NPAS3: variants seen among roughly 807,000 people sequenced by gnomAD.
The protein encoded by NPAS3 is neuronal PAS domain-containing protein 3.
A neutral mutation model predicts 73.1 loss-of-function variants in NPAS3; 14 were observed. The observed-to-expected ratio is 0.19, with a 90% CI of 0.13 to 0.30. The LOEUF is 0.30. Among genes scored for constraint, NPAS3 ranks in the 10% least tolerant of loss-of-function variants. The pLI is 1.00. For missense variants in NPAS3, 1,096 were observed against 1,250.0 expected (o/e 0.88, Z 1.86); for synonymous variants, 620 against 541.5 (o/e 1.14, Z -2.01).
chr14:32,959,667 T>C (rs772113753), intron 1 of NPAS3, among the ~76,000 whole-genome samples: 2 of 152,250 alleles, frequency 1.3e-5, no homozygotes, highest in Admixed American at 6.5e-5. Context: ...CGTAGCTGCA[T>C]GAATATACAC....
intron 3 of NPAS3, among the ~76,000 whole-genome samples, chr14:33,242,666 G>A (rs1490960086): frequency 1.3e-5 from 2 of 151,838 alleles, no homozygotes; most frequent in Non-Finnish European, 2.9e-5. Flanking sequence ...TAGAGATTTG[G>A]GTATTATTAT....
intron 3 of NPAS3, among the ~76,000 whole-genome samples, chr14:33,361,684 T>C (rs1182305063): frequency 6.6e-6 from 1 of 152,222 alleles, no homozygotes; most frequent in East Asian, 1.9e-4. Context: ...ATTGCATTAT[T>C]GGATTAAATA....
At chr14:33,463,727 A>G (rs895009370) in intron 4 of NPAS3, among the ~76,000 whole-genome samples, 6 of 152,208 alleles carry the variant, frequency 3.9e-5, no homozygotes, top group African/African-American at 1.4e-4. Flanking sequence ...TGTCTTCTGT[A>G]CCTATACCCA....
chr14:33,650,430 A>G (rs1025021128), intron 5 of NPAS3, among the ~76,000 whole-genome samples: 2 of 151,014 alleles, frequency 1.3e-5, no homozygotes, highest in African/African-American at 2.5e-5. Flanking sequence ...CCAATTGAAG[A>G]AAAAAAAACC....
chr14:33,701,052 C>A (rs891269066), intron 6 of NPAS3, among the ~76,000 whole-genome samples: 1 of 152,122 alleles, frequency 6.6e-6, no homozygotes, highest in South Asian at 2.1e-4. Context: ...GTCCGTGAAA[C>A]AAAGGGGAGA....
chr14:33,783,047 T>C (rs2063030413), intron 9 of NPAS3, among the ~76,000 whole-genome samples: 1 of 152,270 alleles, frequency 6.6e-6, no homozygotes, highest in African/African-American at 2.4e-5. Flanking sequence ...AGGCCCTCCA[T>C]TGTAATTCCT....
Position 33,123,866 on chromosome 14 carries a change from T to C in NPAS3, c.140+67872T>C, listed in dbSNP as rs865962531. On this transcript the variant is annotated intron_variant, in intron 2 of 11. Coordinates refer to ENST00000356141, the Ensembl canonical transcript of NPAS3. ...AGTTTTTTCTTTCTTTCTTTCTTTTTTTTTTTTTTTTTTGAGACAAGGTCT... is the reference window on the plus strand; with the variant it reads ...AGTTTTTTCTTTCTTTCTTTCTTTTCTTTTTTTTTTTTTGAGACAAGGTCT... 6.8e-3 allele frequency among the ~76,000 whole-genome samples: 851 copies of C among 125,862 alleles called. 3 individuals are homozygous for C. The highest frequency in any genetic ancestry group is 0.024 in the African/African-American group (806 of 33,774). The allele number at this position is 125,862 out of a possible 152,430, so 82.6% of individuals were successfully genotyped here.
intron 4 of NPAS3, among the ~76,000 whole-genome samples, chr14:33,496,037 C>A (rs1008033613): frequency 2.2e-4 from 33 of 152,110 alleles, no homozygotes; most frequent in Non-Finnish European, 5.9e-5. Context: ...ACTAATCCCA[C>A]AGAAATACAA....
intron 3 of NPAS3, among the ~76,000 whole-genome samples, chr14:33,248,293 T>C (rs867977488): frequency 6.6e-6 from 1 of 152,210 alleles, no homozygotes; most frequent in African/African-American, 2.4e-5. Context: ...TTGGCTGTCA[T>C]AAAAACAATT....
At chr14:33,093,277 AAAAC>A (rs779976587) in intron 2 of NPAS3, among the ~76,000 whole-genome samples, 9 of 152,178 alleles carry the variant, frequency 5.9e-5, no homozygotes, top group Non-Finnish European at 8.8e-5. Flanking sequence ...TTACAAGAAA[AAAAC>A]AAACAACCCT....
intron 2 of NPAS3, among the ~76,000 whole-genome samples, chr14:33,165,454 T>C (rs1245560618): frequency 6.6e-6 from 1 of 152,092 alleles, no homozygotes; most frequent in African/African-American, 2.4e-5. Context: ...AGCAGCCTGC[T>C]TGGAGCTTAA....
At chr14:33,514,631 A>G (rs903542786) in intron 4 of NPAS3, among the ~76,000 whole-genome samples, 37 of 152,114 alleles carry the variant, frequency 2.4e-4, no homozygotes, top group African/African-American at 8.4e-4. Flanking sequence ...AAATTAGAAC[A>G]TGAAAGAAAG....
chr14:33,248,210 G>C (rs2048457730), intron 3 of NPAS3, among the ~76,000 whole-genome samples: 1 of 152,202 alleles, frequency 6.6e-6, no homozygotes, highest in African/African-American at 2.4e-5. Context: ...ACATAACTTT[G>C]TATCAGCTGC....
chr14:33,461,350 T>C (rs1002471396), intron 4 of NPAS3, among the ~76,000 whole-genome samples: 3 of 152,214 alleles, frequency 2.0e-5, no homozygotes, highest in Non-Finnish European at 4.4e-5. Context: ...GTCAAAATCA[T>C]TTCTGTAACT....
intron 4 of NPAS3, among the ~76,000 whole-genome samples, chr14:33,440,210 C>G (rs1281454540): frequency 6.6e-6 from 1 of 151,810 alleles, no homozygotes; most frequent in African/African-American, 2.4e-5. Flanking sequence ...CCTCATGTTA[C>G]AAATGAGCAT....
chr14:33,011,822 G>A (rs2039207900), intron 1 of NPAS3, among the ~76,000 whole-genome samples: 1 of 152,182 alleles, frequency 6.6e-6, no homozygotes, highest in African/African-American at 2.4e-5. Context: ...TGCAGGCTGT[G>A]AGAATTGAGA....
chr14:33,128,321 G>C (rs1408105694), intron 2 of NPAS3, among the ~76,000 whole-genome samples: 1 of 152,088 alleles, frequency 6.6e-6, no homozygotes, highest in Non-Finnish European at 1.5e-5. Context: ...GATCTGTGTG[G>C]AAAAATATTT....
At chr14:33,153,825 G>T (rs969637681) in intron 2 of NPAS3, among the ~76,000 whole-genome samples, 1 of 152,076 alleles carries the variant, frequency 6.6e-6, no homozygotes, top group Admixed American at 6.6e-5. Context: ...TCTCAGCATT[G>T]CATACTGTTG....
At chr14:32,941,283 C>CCCCTCCCCT (rs2035994575) in intron 1 of NPAS3, among the ~76,000 whole-genome samples, 1 of 23,412 alleles carries the variant, frequency 4.3e-5, no homozygotes, top group African/African-American at 1.8e-4. Flanking sequence ...CCTCCTCCCT[C>CCCCTCCCCT]CCTCCCTCCC....
Sources: allele counts gnomAD v4.1 joint callset (sites outside exome capture counted in the v4.1 genomes callset), GRCh38; gene constraint gnomAD v4.1.1; transcripts MANE v1.5; gene names NCBI Gene and HGNC (gene_info 2026-07-23, HGNC 2026-07-21).